The following RGS6 variants were observed in gnomAD, a reference collection of about 807,000 sequenced individuals.
RGS6 encodes the protein regulator of G protein signaling 6, also known as regulator of G-protein signaling 6.
RGS6 carries 30 observed loss-of-function variants against 78.5 expected under a neutral mutation model. That is an observed-to-expected ratio of 0.38 (90% confidence interval 0.29 to 0.52). The LOEUF (loss-of-function observed/expected upper bound fraction) is 0.52. Among genes scored for constraint, RGS6 ranks in the 20% least tolerant of loss-of-function variants. The pLI is 0.85. For missense variants in RGS6, 495 were observed against 609.7 expected (o/e 0.81, Z 1.98); for synonymous variants, 206 against 206.0 (o/e 1.00, Z 0.00).
At position 72,393,241 on chromosome 14, in the gene RGS6, C is replaced by A. The variant is rs12588513; in HGVS notation, c.184+41047C>A. Among the ~76,000 whole-genome samples the A allele has an allele frequency of 5.9e-4, 90 of 152,292 alleles. No homozygotes were observed. In the East Asian group the frequency reaches 0.013, roughly 23 times the overall value. On this transcript the variant is annotated intron_variant, in intron 3 of 17. Transcript: ENST00000553525. Reference sequence around the variant, plus strand: ...TGTTGGGGAACCAGGACTGAGCCAGCAGCGAAATATTCTGTGATGTAAGGT... The same window carrying A: ...TGTTGGGGAACCAGGACTGAGCCAGAAGCGAAATATTCTGTGATGTAAGGT...
At chr14:72,489,700 GAAGGAAAAGAAAGGA>G (rs1212043231) in intron 12 of RGS6, among the ~76,000 whole-genome samples, 1 of 151,138 alleles carries the variant, frequency 6.6e-6, no homozygotes, top group African/African-American at 2.4e-5. Context: ...CCAGAAACTG[GAAGGAAAAGAAAGGA>G]AAGGAAAGGA....
At chr14:72,558,078 C>T (rs2097608925) in intron 17 of RGS6, among the ~76,000 whole-genome samples, 1 of 152,024 alleles carries the variant, frequency 6.6e-6, no homozygotes, top group South Asian at 2.1e-4. Context: ...AGTGTATGCA[C>T]CCGTGTAACG....
At chr14:72,342,578 A>AAC (rs2077216188) in intron 2 of RGS6, among the ~76,000 whole-genome samples, 1 of 150,372 alleles carries the variant, frequency 6.7e-6, no homozygotes, top group Non-Finnish European at 1.5e-5. Flanking sequence ...AAAAAAAAAA[A>AAC]AACTATCCAG....
At chr14:72,340,704 T>G (rs964359298) in intron 2 of RGS6, among the ~76,000 whole-genome samples, 4 of 152,216 alleles carry the variant, frequency 2.6e-5, no homozygotes, top group South Asian at 2.1e-4. Context: ...TCACCCTTCT[T>G]GTTCCATCTG....
chr14:72,182,909 C>G (rs113083568), intron 2 of RGS6, among the ~76,000 whole-genome samples: 128 of 152,192 alleles, frequency 8.4e-4, no homozygotes, highest in Non-Finnish European at 1.6e-3. Flanking sequence ...TTTTCATACT[C>G]TCTGTTGTTC....
chr14:72,560,172 A>G (rs940032458), intron 17 of RGS6, among the ~76,000 whole-genome samples: 5 of 152,096 alleles, frequency 3.3e-5, no homozygotes, highest in African/African-American at 4.8e-5. Flanking sequence ...AACTCAGAAC[A>G]TATATATTTG....
intron 3 of RGS6, among the ~76,000 whole-genome samples, chr14:72,352,659 T>C (rs1458677162): frequency 6.6e-6 from 1 of 152,258 alleles, no homozygotes; most frequent in Non-Finnish European, 1.5e-5. Flanking sequence ...TGTGTGCTCA[T>C]CTTTCTTTTA....
intron 2 of RGS6, among the ~76,000 whole-genome samples, chr14:72,003,204 C>A (rs2083824830): frequency 6.6e-6 from 1 of 152,144 alleles, no homozygotes; most frequent in South Asian, 2.1e-4. Context: ...CACTGGCCAC[C>A]AGGTACTCAC....
chr14:72,317,537 G>C (rs2070649921), intron 2 of RGS6, among the ~76,000 whole-genome samples: 3 of 152,134 alleles, frequency 2.0e-5, no homozygotes, highest in African/African-American at 7.2e-5. Context: ...TTCTAGCCAA[G>C]TGCTTCCTGA....
intron 2 of RGS6, among the ~76,000 whole-genome samples, chr14:71,965,622 A>G (rs2093463874): frequency 6.6e-6 from 1 of 152,234 alleles, no homozygotes; most frequent in African/African-American, 2.4e-5. Flanking sequence ...GGCTGGAGCC[A>G]GATGTTAGTG....
chr14:72,023,671 A>G (rs2089223702), intron 2 of RGS6, among the ~76,000 whole-genome samples: 1 of 152,228 alleles, frequency 6.6e-6, no homozygotes, highest in African/African-American at 2.4e-5. Flanking sequence ...GAAACAGCTA[A>G]AACTTCCAAA....
chr14:72,473,255 A>G (rs373559421), intron 9 of RGS6, among the ~76,000 whole-genome samples: 1 of 152,212 alleles, frequency 6.6e-6, no homozygotes, highest in East Asian at 1.9e-4. Flanking sequence ...CATCCTGGCT[A>G]ACACGGTGAA....
rs118025811 is a variant in RGS6 at position 72,467,024 on chromosome 14, G to A, written c.459+1202G>A. Among the ~76,000 whole-genome samples, 971 of 152,216 alleles carry A rather than the reference G, an allele frequency of 6.4e-3. 3 individuals are homozygous for A. Among genetic ancestry groups the A allele is most frequent in the African/African-American group, 0.015 (602 of 41,504 alleles). ...CTTCCTTCTCTATCTTTCTTCATAA[G>A]ATGAGACTTCTTGCAAAAATTAGAG... On this transcript the variant is annotated intron_variant, in intron 7 of 17. Coordinates refer to ENST00000553525, the MANE Select transcript of RGS6 (RefSeq NM_001204424.2).
intron 2 of RGS6, among the ~76,000 whole-genome samples, chr14:72,175,632 G>A (rs1308313303): frequency 1.3e-5 from 2 of 152,154 alleles, no homozygotes; most frequent in African/African-American, 4.8e-5. Flanking sequence ...GGAACACAGT[G>A]GTTTAGGATG....
intron 2 of RGS6, among the ~76,000 whole-genome samples, chr14:72,279,085 G>A (rs1481566366): frequency 1.3e-5 from 2 of 152,072 alleles, no homozygotes; most frequent in East Asian, 3.9e-4. Context: ...TCCAAGGACA[G>A]TTATATTGGG....
chr14:72,531,544 G>A (rs2097183203), intron 15 of RGS6, among the ~76,000 whole-genome samples: 1 of 151,980 alleles, frequency 6.6e-6, no homozygotes. Context: ...AAATATGAGG[G>A]TATCTCAGGA....
chr14:72,392,987 G>A (rs1262334994), intron 3 of RGS6, among the ~76,000 whole-genome samples: 3 of 152,184 alleles, frequency 2.0e-5, no homozygotes, highest in African/African-American at 7.2e-5. Flanking sequence ...GCAAGTGGAG[G>A]TAAAAGAGAC....
chr14:72,298,448 TTTTTTTTCC>T (rs1399682826), intron 2 of RGS6, among the ~76,000 whole-genome samples: 12 of 80,032 alleles, frequency 1.5e-4, no homozygotes, highest in African/African-American at 1.2e-3. Context: ...TTTTTTTTTT[TTTTTTTTCC>T]CCCCCTCTGA....
At chr14:72,497,787 CTTCT>C (rs1420126673) in intron 13 of RGS6, among the ~76,000 whole-genome samples, 8 of 152,048 alleles carry the variant, frequency 5.3e-5, no homozygotes, top group African/African-American at 1.4e-4. Context: ...TAGGTAGTTC[CTTCT>C]AAGTCAAGAA....
Sources: gnomAD v4.1 joint callset for allele counts (sites outside exome capture counted in the v4.1 genomes callset) on GRCh38, gnomAD v4.1.1 for gene constraint, MANE v1.5 for transcripts, NCBI Gene and HGNC (gene_info 2026-07-23, HGNC 2026-07-21) for gene names.